Variants in PCDHGA6 observed in about 807,000 individuals in gnomAD.
PCDHGA6 encodes protocadherin gamma subfamily A, 6.
Under a neutral mutation model 60.6 loss-of-function variants are expected in PCDHGA6, and 41 were observed. The ratio of observed to expected loss-of-function variants is 0.68; its 90% CI spans 0.53 to 0.88. The LOEUF (loss-of-function observed/expected upper bound fraction) is 0.88, where lower values mean the gene tolerates loss of function less well. Among genes scored for constraint, PCDHGA6 ranks in the 40% least tolerant of loss-of-function variants. PCDHGA6 has a pLI of 0.00. For missense variants in PCDHGA6, 1,312 were observed against 1,203.0 expected, an observed-to-expected ratio of 1.09 and a Z score of -1.34; for synonymous variants, 594 against 524.4, an observed-to-expected ratio of 1.13 and a Z score of -1.81.
chr5:141,429,638 A>G (rs2097231013), intron 1 of PCDHGA6, among the ~76,000 whole-genome samples: 1 of 152,238 alleles, frequency 6.6e-6, no homozygotes, highest in African/African-American at 2.4e-5. Flanking sequence ...ACAGCTACCT[A>G]TATATTTCTT....
In PCDHGA6 at chr5:141,477,772, C is replaced by G. The variant is rs760319541; in HGVS notation, c.2425-17035C>G. The G allele has an allele frequency of 1.5e-5, 25 of 1,613,908 alleles. No homozygotes were observed. Among genetic ancestry groups the G allele is most frequent in the Non-Finnish European group, 2.1e-5 (25 of 1,180,042 alleles). On this transcript the variant is annotated intron_variant, in intron 1 of 3. Coordinates refer to ENST00000517434, the MANE Select transcript of PCDHGA6 (RefSeq NM_018919.3). This position sits in a 1 kb window ranked among gnomAD's most constrained non-coding sequence, Gnocchi z 4.9. Reference sequence around the variant, plus strand: ...CCCCGGTCCTAGCCACCAACATCAGCGTGAACATATTTGTCACTGATCGCA... The same window carrying G: ...CCCCGGTCCTAGCCACCAACATCAGGGTGAACATATTTGTCACTGATCGCA...
At chr5:141,413,086 A>T in intron 1 of PCDHGA6, 1 of 1,344,152 alleles carries the variant, frequency 7.4e-7, no homozygotes, top group Non-Finnish European at 1.0e-6. Flanking sequence ...GGCTACAGAG[A>T]CACCCTGAAG....
intron 1 of PCDHGA6, chr5:141,478,265 G>A: frequency 6.2e-7 from 1 of 1,614,196 alleles, no homozygotes; most frequent in African/African-American, 1.3e-5. Context: ...CATATTCAAA[G>A]TTTACAAGTG....
chr5:141,509,785 C>T (rs1445220885), intron 3 of PCDHGA6, among the ~76,000 whole-genome samples: 1 of 152,166 alleles, frequency 6.6e-6, no homozygotes, highest in African/African-American at 2.4e-5. Context: ...CCGAGATCAT[C>T]ATCTCCTCAG....
chr5:141,427,839 G>T, intron 1 of PCDHGA6: 1 of 1,547,310 alleles, frequency 6.5e-7, no homozygotes, highest in Non-Finnish European at 8.8e-7. Flanking sequence ...GCGTGCCTTC[G>T]ACCACGAGCA....
In PCDHGA6 at chr5:141,490,639, C is replaced by T. The variant is rs1345892739; in HGVS notation, c.2425-4168C>T. 25 of 1,614,200 alleles carry T rather than the reference C, an allele frequency of 1.5e-5. No homozygotes were observed. Among genetic ancestry groups the T allele is most frequent in the East Asian group, 2.2e-5 (1 of 44,878 alleles). ...TTACACTGCTTACATCCTAGAAAAC[C>T]GGCCTCCGGGCTCCCTTCTTTGCAC... On this transcript the variant is annotated intron_variant, in intron 1 of 3. Transcript: ENST00000517434. This position sits in a 1 kb window ranked among gnomAD's most constrained non-coding sequence, Gnocchi z 5.4.
rs115035052 is a variant in PCDHGA6 at position 141,382,317 on chromosome 5, G to A, written c.2424+5810G>A. ...TTAATTAAAATTTATATACACTGAT[G>A]TAAATATTTTCTAAGTAAAATCTTT... On this transcript the variant is annotated intron_variant, in intron 1 of 3. Coordinates refer to ENST00000517434, the MANE Select transcript of PCDHGA6 (RefSeq NM_018919.3). Among the ~76,000 whole-genome samples the A allele has an allele frequency of 4.6e-3, 694 of 152,278 alleles. 4 individuals are homozygous for A. The highest frequency in any genetic ancestry group is 0.015 in the African/African-American group (631 of 41,554).
rs532216579 is a variant in PCDHGA6, at chr5:141,419,369, T to G, written c.2424+42862T>G. 631 of 1,613,750 alleles carry G rather than the reference T, an allele frequency of 3.9e-4. 5 individuals carry two copies. In the East Asian group the frequency reaches 0.013, roughly 33 times the overall value. On this transcript the variant is annotated intron_variant, in intron 1 of 3. Coordinates refer to ENST00000517434, the MANE Select transcript of PCDHGA6 (RefSeq NM_018919.3). ...CCTGGAGTCACGAACGCTGTCGTCC[T>G]ACGTGTCCGTGAGCGCGCAGAGCGG...
intron 1 of PCDHGA6, chr5:141,404,764 C>G: frequency 6.2e-7 from 1 of 1,613,920 alleles, no homozygotes; most frequent in Non-Finnish European, 8.5e-7. Context: ...ATGCTTGGCT[C>G]TCCTACCGCC....
intron 1 of PCDHGA6, chr5:141,403,027 G>A: frequency 6.2e-7 from 1 of 1,614,070 alleles, no homozygotes; most frequent in East Asian, 2.2e-5. Context: ...TGCTATGGGA[G>A]GCCAGGGCCA....
rs370856492 is a variant in PCDHGA6, at chr5:141,375,731, C to T, written c.1648C>T (p.Leu550=). The T allele has an allele frequency of 9.0e-5, 146 of 1,614,138 alleles. No homozygotes were observed. The highest frequency in any genetic ancestry group is 1.2e-4 in the Non-Finnish European group (138 of 1,180,038). ...PPLSSNVSLS[L]FVLDQNDNAP... ...TCTTAGCAGCAACGTGTCACTGAGC[C>T]TGTTTGTGCTGGACCAGAATGACAA... Residue 550 remains leucine (L), a synonymous_variant, in exon 1 of 4, where the codon CTG becomes TTG. Coordinates refer to ENST00000517434, the MANE Select transcript of PCDHGA6 (RefSeq NM_018919.3).
chr5:141,398,910 G>T, intron 1 of PCDHGA6: 1 of 1,613,972 alleles, frequency 6.2e-7, no homozygotes, highest in Non-Finnish European at 8.5e-7. Flanking sequence ...GCACCACTGT[G>T]TTGCAAGTGT....
At chr5:141,396,767 G>A (rs900685366) in intron 1 of PCDHGA6, 1 of 152,338 alleles carries the variant, frequency 6.6e-6, no homozygotes, top group East Asian at 1.9e-4. Context: ...ATAAATGTTT[G>A]TTATTAATGA....
rs965707754 is a variant in PCDHGA6 at position 141,505,329 on chromosome 5, G to A, written c.2484-64G>A. On this transcript the variant is annotated intron_variant, in intron 2 of 3. Coordinates refer to ENST00000517434, the MANE Select transcript of PCDHGA6 (RefSeq NM_018919.3). ...ACTAGGTTTGGGAGCCCTGGGAGAG[G>A]ACAGGAGGGGCATGAGCTGTGCCGG... is the stretch of plus-strand genomic sequence containing the variant. The A allele has an allele frequency of 2.5e-6, 4 of 1,610,060 alleles. No individual in the cohort carries two copies. The African/African-American group carries it at 5.3e-5, about 22-fold the overall frequency.
Position 141,485,418 on chromosome 5 carries a change from G to A in PCDHGA6, c.2425-9389G>A. ...CACTTCCGTGTGGATTTGGACAGCG[G>A]AGCCCTGCTCATCAAGAACCCAATC... On this transcript the variant is annotated intron_variant, in intron 1 of 3. Transcript: ENST00000517434. This position sits in a 1 kb window ranked among gnomAD's most constrained non-coding sequence, Gnocchi z 5.7. 6.2e-7 allele frequency: 1 copy of A among 1,614,174 alleles called. No homozygotes were observed. The highest frequency in any genetic ancestry group is 8.5e-7 in the Non-Finnish European group (1 of 1,180,042).
intron 1 of PCDHGA6, chr5:141,421,945 A>T: frequency 2.5e-6 from 4 of 1,613,342 alleles, no homozygotes; most frequent in Non-Finnish European, 3.4e-6. Context: ...AAATGATCAC[A>T]TCCCAATGTT....
At chr5:141,389,445 G>C in intron 1 of PCDHGA6, 3 of 1,610,528 alleles carry the variant, frequency 1.9e-6, no homozygotes, top group Non-Finnish European at 2.5e-6. Flanking sequence ...CTTCGACCAC[G>C]AGCAGCTGCG....
chr5:141,422,670 C>CA (rs754910458), intron 1 of PCDHGA6: 6 of 1,607,126 alleles, frequency 3.7e-6, no homozygotes, highest in Non-Finnish European at 1.7e-6. Flanking sequence ...TCGACCCGGA[C>CA]AGCAAACAGA....
chr5:141,398,088 C>T lies in PCDHGA6; in HGVS notation c.2424+21581C>T, dbSNP rs781722295. On this transcript the variant is annotated intron_variant, in intron 1 of 3. Coordinates refer to ENST00000517434, the MANE Select transcript of PCDHGA6 (RefSeq NM_018919.3). ...AATACAGAGGTTATTTGTAACCTGGCGTCTCCAGGCTGGTGAGCAAGCTGA... is the reference window on the plus strand; with the variant it reads ...AATACAGAGGTTATTTGTAACCTGGTGTCTCCAGGCTGGTGAGCAAGCTGA... The T allele has an allele frequency of 1.1e-5, 18 of 1,598,420 alleles. 1 individual carries two copies. In the South Asian group the frequency reaches 1.9e-4, roughly 17 times the overall value.
Sources: gnomAD v4.1 joint callset for allele counts (sites outside exome capture counted in the v4.1 genomes callset) on GRCh38, gnomAD v4.1.1 for gene constraint, Gnocchi (gnomAD v3.1) non-coding constraint, MANE v1.5 for transcripts, NCBI Gene and HGNC (gene_info 2026-07-23, HGNC 2026-07-21) for gene names.